HYAL4: variants seen among roughly 807,000 people sequenced by gnomAD.
HYAL4 encodes the protein hyaluronidase 4, also known as hyaluronidase-4.
HYAL4 carries 37 observed loss-of-function variants against 35.2 expected under a neutral mutation model. The observed-to-expected ratio is 1.05, with a 90% CI of 0.81 to 1.38. HYAL4 has a LOEUF of 1.38. Among genes scored for constraint, HYAL4 ranks in the 40% most tolerant of loss-of-function variants. HYAL4 has a pLI of 0.00. For synonymous variants in HYAL4, 198 were observed against 203.2 expected (o/e 0.97, Z 0.22); for missense variants, 572 against 572.4 (o/e 1.00, Z 0.01).
chr7:123,849,931 G>A (rs1806264790), intron 2 of HYAL4, among the ~76,000 whole-genome samples: 1 of 117,508 alleles, frequency 8.5e-6, no homozygotes, highest in Non-Finnish European at 1.9e-5. Context: ...TTTCTATGTA[G>A]AAACATGTTT....
intron 2 of HYAL4, among the ~76,000 whole-genome samples, chr7:123,862,882 T>C (rs1331887625): frequency 6.6e-6 from 1 of 152,196 alleles, no homozygotes; most frequent in African/African-American, 2.4e-5. Flanking sequence ...TCATTTACAG[T>C]GAAAGCCTGA....
At chr7:123,796,906 A>G in the HYAL4 span, among the ~76,000 whole-genome samples, 1 of 152,220 alleles carries the variant, frequency 6.6e-6, no homozygotes, top group Non-Finnish European at 1.5e-5. Flanking sequence ...ATCTATGAAG[A>G]TAGAAAATAG....
At chr7:123,841,925 G>T (rs1409736538), upstream of HYAL4, among the ~76,000 whole-genome samples, 1 of 151,738 alleles carries the variant, frequency 6.6e-6, no homozygotes, top group Non-Finnish European at 1.5e-5. Context: ...CGATTTTGTT[G>T]ATCTTTTCAA....
At chr7:123,818,148 A>T in the HYAL4 span, among the ~76,000 whole-genome samples, 1 of 152,210 alleles carries the variant, frequency 6.6e-6, no homozygotes, top group Non-Finnish European at 1.5e-5. Flanking sequence ...AATTGCTGAG[A>T]TTACAGGCGT....
the HYAL4 span, among the ~76,000 whole-genome samples, chr7:123,805,942 C>A: frequency 6.6e-6 from 1 of 151,624 alleles, no homozygotes; most frequent in African/African-American, 2.4e-5. Flanking sequence ...TGCAGTGAGG[C>A]GAGATTGAGC....
upstream of HYAL4, among the ~76,000 whole-genome samples, chr7:123,842,466 A>G (rs142544333): frequency 5.7e-3 from 871 of 152,158 alleles, 12 homozygotes; most frequent in Admixed American, 0.014. Flanking sequence ...AGAAGAATGT[A>G]TATTCTGTTG....
At chr7:123,808,812 T>TG in the HYAL4 span, among the ~76,000 whole-genome samples, 1 of 152,172 alleles carries the variant, frequency 6.6e-6, no homozygotes, top group Non-Finnish European at 1.5e-5. Flanking sequence ...GGTGAGGGCC[T>TG]GCTCCTTAGT....
At chr7:123,856,086 C>A (rs936126313) in intron 2 of HYAL4, among the ~76,000 whole-genome samples, 4 of 151,878 alleles carry the variant, frequency 2.6e-5, no homozygotes, top group Non-Finnish European at 4.4e-5. Flanking sequence ...TGTTATCCTA[C>A]TTAGCAGTTC....
Position 123,832,479 on chromosome 7 carries a change from C to CTTTTTTTTTTTTTTT in HYAL4, c.-257+3379_-257+3393dup, listed in dbSNP as rs71163703. 7.3e-4 allele frequency among the ~76,000 whole-genome samples: 16 copies of CTTTTTTTTTTTTTTT among 21,842 alleles called. 3 individuals are homozygous for CTTTTTTTTTTTTTTT. Among genetic ancestry groups the CTTTTTTTTTTTTTTT allele is most frequent in the African/African-American group, 1.4e-3 (5 of 3,594 alleles). 14.3% of individuals were successfully genotyped at this position (21,842 alleles called of 152,430 possible). ...AGTCCCCAAAGTCTATTGTGTCATA[C>CTTTTTTTTTTTTTTT]TTTTTTTTTTTTTTTTTTTTTTTTT... On this transcript the variant is annotated intron_variant, in intron 1 of 4. Coordinates refer to the HYAL4 transcript ENST00000489978.
At chr7:123,866,789 C>CTTTT (rs1009764748) in intron 2 of HYAL4, among the ~76,000 whole-genome samples, 57 of 134,178 alleles carry the variant, frequency 4.2e-4, no homozygotes, top group Non-Finnish European at 6.5e-4. Flanking sequence ...CTTTCTCTCT[C>CTTTT]TTTTTTTTTT....
At chr7:123,873,969 G>A (rs201235371) in intron 3 of HYAL4, among the ~76,000 whole-genome samples, 33 of 152,106 alleles carry the variant, frequency 2.2e-4, no homozygotes, top group East Asian at 9.7e-4. Flanking sequence ...AGCCCTTAAC[G>A]TTGCTTCTTT....
chr7:123,801,069 A>G, the HYAL4 span, among the ~76,000 whole-genome samples: 1 of 152,072 alleles, frequency 6.6e-6, no homozygotes, highest in Admixed American at 6.6e-5. Flanking sequence ...AATCCCAGCA[A>G]TTTTGGAGGC....
chr7:123,871,320 A>G (rs1806877897), intron 3 of HYAL4, among the ~76,000 whole-genome samples: 1 of 151,328 alleles, frequency 6.6e-6, no homozygotes, highest in Non-Finnish European at 1.5e-5. Context: ...GCCTCCAAGT[A>G]GCTGAGGTTA....
chr7:123,780,769 C>G, the HYAL4 span, among the ~76,000 whole-genome samples: 1 of 148,836 alleles, frequency 6.7e-6, no homozygotes, highest in Non-Finnish European at 1.5e-5. Context: ...TAACCTTACC[C>G]CCAACCCCAT....
chr7:123,835,745 T>C (rs1427435688), intron 1 of HYAL4, among the ~76,000 whole-genome samples: 1 of 152,204 alleles, frequency 6.6e-6, no homozygotes, highest in African/African-American at 2.4e-5. Flanking sequence ...GCACTGCCTT[T>C]GCTGTATCCC....
chr7:123,851,143 A>G (rs1806296562), intron 2 of HYAL4, among the ~76,000 whole-genome samples: 2 of 152,364 alleles, frequency 1.3e-5, no homozygotes, highest in South Asian at 2.1e-4. Flanking sequence ...TTCTCACACC[A>G]TGTGAATGGG....
the HYAL4 span, among the ~76,000 whole-genome samples, chr7:123,777,919 G>GT: frequency 0.063 from 8,908 of 141,102 alleles, 314 homozygotes; most frequent in East Asian, 0.12. Context: ...TTCTTCGTTA[G>GT]TTTTTTTTTT....
At chr7:123,781,302 C>A in the HYAL4 span, among the ~76,000 whole-genome samples, 2 of 110,862 alleles carry the variant, frequency 1.8e-5, no homozygotes, top group Non-Finnish European at 3.8e-5. Flanking sequence ...AAAAGCACAG[C>A]ACTTAATCCT....
At chr7:123,807,598 G>A in the HYAL4 span, among the ~76,000 whole-genome samples, 6 of 151,508 alleles carry the variant, frequency 4.0e-5, no homozygotes, top group Admixed American at 2.0e-4. Flanking sequence ...GTGCTGCCAC[G>A]CCTGGCTAAT....
Sources: gnomAD v4.1 joint callset for allele counts (sites outside exome capture counted in the v4.1 genomes callset) on GRCh38, gnomAD v4.1.1 for gene constraint, MANE v1.5 for transcripts, NCBI Gene and HGNC (gene_info 2026-07-23, HGNC 2026-07-21) for gene names.